The following SGCD variants were observed in gnomAD, a reference collection of about 807,000 sequenced individuals.
SGCD encodes the protein delta-sarcoglycan.
SGCD carries 18 observed loss-of-function variants against 36.6 expected under a neutral mutation model. The ratio of observed to expected loss-of-function variants is 0.49; its 90% confidence interval spans 0.34 to 0.73. SGCD has a LOEUF of 0.73. Among genes scored for constraint, SGCD ranks in the 30% least tolerant of loss-of-function variants. SGCD has a pLI of 0.01. For missense variants in SGCD, 387 were observed against 346.7 expected (o/e 1.12, Z -0.92); for synonymous variants, 133 against 130.6 (o/e 1.02, Z -0.12).
rs187739677 is a variant in SGCD, at chr5:156,086,581, T to G, written c.-281-31297T>G. On this transcript the variant is annotated intron_variant, in intron 1 of 9. Transcript: ENST00000517913. ...GTCCCATCTGGTGAATGGGCTGGCA[T>G]CATACCAGGCACAGTCAGGTTGTAA... Among the ~76,000 whole-genome samples the G allele has an allele frequency of 4.8e-3, 727 of 152,310 alleles. 6 individuals carry two copies. Among genetic ancestry groups the G allele is most frequent in the Non-Finnish European group, 5.6e-3 (382 of 68,028 alleles).
chr5:155,791,330 C>T, the SGCD span, among the ~76,000 whole-genome samples: 1 of 152,032 alleles, frequency 6.6e-6, no homozygotes, highest in Admixed American at 6.6e-5. Context: ...AAGCTAGAAC[C>T]ATTCCTCTCG....
chr5:156,224,718 C>G (rs75585166), intron 3 of SGCD, among the ~76,000 whole-genome samples: 6,064 of 152,230 alleles, frequency 0.04, 240 homozygotes, highest in African/African-American at 0.1. Flanking sequence ...AACAAGGATA[C>G]TCACACAATT....
At chr5:156,744,346 AGATCACCTGCTC>A (rs1756843413) in intron 7 of SGCD, among the ~76,000 whole-genome samples, 1 of 152,216 alleles carries the variant, frequency 6.6e-6, no homozygotes, top group Non-Finnish European at 1.5e-5. Flanking sequence ...GCACTGTTGG[AGATCACCTGCTC>A]GATCACCTTG....
At chr5:156,371,383 A>G (rs1398445973) in intron 3 of SGCD, among the ~76,000 whole-genome samples, 1 of 152,126 alleles carries the variant, frequency 6.6e-6, no homozygotes, top group East Asian at 1.9e-4. Flanking sequence ...GATGAAGGAA[A>G]CTCTGGGAAT....
At chr5:156,728,645 A>G (rs1755904529) in intron 7 of SGCD, among the ~76,000 whole-genome samples, 1 of 151,502 alleles carries the variant, frequency 6.6e-6, no homozygotes, top group South Asian at 2.1e-4. Context: ...AGTGGCTAAC[A>G]TTTTTCTGTC....
intron 1 of SGCD, among the ~76,000 whole-genome samples, chr5:155,888,220 A>C (rs1756049147): frequency 6.6e-6 from 1 of 152,172 alleles, no homozygotes; most frequent in Admixed American, 6.6e-5. Context: ...CTCCTTTCTC[A>C]AACCATCCTC....
At chr5:155,797,011 G>A in the SGCD span, among the ~76,000 whole-genome samples, 1 of 151,876 alleles carries the variant, frequency 6.6e-6, no homozygotes, top group Non-Finnish European at 1.5e-5. Context: ...AAATTTAATA[G>A]CAAAACTAAT....
At chr5:155,800,862 T>C in the SGCD span, among the ~76,000 whole-genome samples, 1 of 152,188 alleles carries the variant, frequency 6.6e-6, no homozygotes, top group African/African-American at 2.4e-5. Flanking sequence ...TTTTTTCTTT[T>C]TGTTTTGTGT....
At chr5:156,403,660 A>C (rs979707249) in intron 3 of SGCD, among the ~76,000 whole-genome samples, 2 of 152,112 alleles carry the variant, frequency 1.3e-5, no homozygotes, top group African/African-American at 4.8e-5. Flanking sequence ...CATGCCAGTC[A>C]TATCATTACT....
chr5:156,470,358 T>TA (rs1464389512), intron 3 of SGCD, among the ~76,000 whole-genome samples: 2 of 152,192 alleles, frequency 1.3e-5, no homozygotes, highest in African/African-American at 4.8e-5. Context: ...GTTTTTTTTT[T>TA]ATACTTTAAG....
intron 1 of SGCD, among the ~76,000 whole-genome samples, chr5:155,889,653 G>T (rs1756079723): frequency 6.6e-6 from 1 of 152,176 alleles, no homozygotes; most frequent in African/African-American, 2.4e-5. Flanking sequence ...CTGAACAGAG[G>T]GTGGTAGGAG....
the SGCD span, among the ~76,000 whole-genome samples, chr5:155,782,088 G>A: frequency 6.1e-5 from 9 of 148,214 alleles, no homozygotes; most frequent in African/African-American, 7.5e-5. Context: ...GCAGCAGCAC[G>A]ATCTCAGCTC....
chr5:156,401,454 T>C (rs1299442656), intron 3 of SGCD, among the ~76,000 whole-genome samples: 1 of 152,192 alleles, frequency 6.6e-6, no homozygotes, highest in Non-Finnish European at 1.5e-5. Flanking sequence ...GGCAAAGCCA[T>C]GAAGGGCCCT....
intron 3 of SGCD, among the ~76,000 whole-genome samples, chr5:156,400,194 T>C (rs1309330386): frequency 2.6e-5 from 4 of 152,232 alleles, no homozygotes; most frequent in Non-Finnish European, 5.9e-5. Context: ...CCAGAATTTC[T>C]GGTTCAATAC....
At chr5:156,713,525 G>A (rs954431578) in intron 7 of SGCD, among the ~76,000 whole-genome samples, 2 of 152,132 alleles carry the variant, frequency 1.3e-5, no homozygotes, top group Non-Finnish European at 2.9e-5. Flanking sequence ...AGGAGCTTGT[G>A]GTAAACGCTT....
chr5:156,204,903 G>A, intron 3 of SGCD, among the ~76,000 whole-genome samples: 1 of 152,002 alleles, frequency 6.6e-6, no homozygotes, highest in East Asian at 1.9e-4. Context: ...GAGTAATGTA[G>A]GAATACAGGT....
At position 156,350,991 on chromosome 5, in the gene SGCD, T is replaced by C. The variant is rs187061489; in HGVS notation, c.192+6314T>C. On this transcript the variant is annotated intron_variant, in intron 3 of 8. Transcript: ENST00000337851. ...TACCTCCTCCTCCAAATTGCAATAA[T>C]GATCTGGCTCTTCAACAGAATTCTG... Among the ~76,000 whole-genome samples, 940 of 152,280 alleles carry C rather than the reference T, an allele frequency of 6.2e-3. 8 individuals carry two copies. The highest frequency in any genetic ancestry group is 6.3e-3 in the Admixed American group (96 of 15,294).
intron 5 of SGCD, among the ~76,000 whole-genome samples, 173 bp downstream of exon 5, chr5:156,589,491 G>C (rs899900920): frequency 6.6e-6 from 1 of 152,052 alleles, no homozygotes; most frequent in African/African-American, 2.4e-5. Flanking sequence ...AATCCCATCC[G>C]TACACATATT....
intron 1 of SGCD, among the ~76,000 whole-genome samples, chr5:156,115,703 T>C (rs1761891488): frequency 6.6e-6 from 1 of 152,128 alleles, no homozygotes; most frequent in Non-Finnish European, 1.5e-5. Flanking sequence ...CCTAAGTCTC[T>C]ATTAATCCAT....
Sources: allele counts gnomAD v4.1 joint callset (sites outside exome capture counted in the v4.1 genomes callset), GRCh38; gene constraint gnomAD v4.1.1; transcripts MANE v1.5; gene names NCBI Gene and HGNC (gene_info 2026-07-23, HGNC 2026-07-21).